Variants in FCHO1 observed in about 807,000 individuals in gnomAD.
FCHO1 encodes the protein FCH and mu domain containing endocytic adaptor 1, also known as F-BAR domain only protein 1.
Under a neutral mutation model 114.4 loss-of-function variants are expected in FCHO1, and 45 were observed. The ratio of observed to expected loss-of-function variants is 0.39; its 90% CI spans 0.31 to 0.50. The LOEUF is 0.50. Among genes scored for constraint, FCHO1 ranks in the 20% least tolerant of loss-of-function variants. The probability of loss-of-function intolerance (pLI) is 0.77; values close to 1 mark genes in which losing one functional copy is unlikely to be tolerated. For missense variants in FCHO1, 1,042 were observed against 1,209.6 expected (o/e 0.86, Z 2.06); for synonymous variants, 480 against 488.9 (o/e 0.98, Z 0.24).
intron 27 of FCHO1, 26 bp from the exon 28 acceptor site, chr19:17,787,656 G>A (rs373571604): frequency 6.5e-7 from 1 of 1,537,988 alleles, no homozygotes; most frequent in Non-Finnish European, 8.8e-7. Context: ...TGGTGCCAGG[G>A]CGCAGCTGAC....
In FCHO1 at chr19:17,778,786, C is replaced by T. The variant is rs1218566308; in HGVS notation, c.1529C>T (p.Pro510Leu). Residue 510 changes from proline (P) to leucine (L), a missense_variant, in exon 20 of 29, where the codon CCA becomes CTA. Physicochemically the swap from Pro to Leu is moderately conservative, Grantham distance 98. Around this residue, in one of 3 missense-constraint regions of FCHO1, gnomAD observed 455 missense variants for 455.4 expected, o/e 1.00. Coordinates refer to ENST00000596536, the MANE Select transcript of FCHO1 (RefSeq NM_015122.3). ...QSPPSCRAPP[P>L]EARGIRAPPL... ...CCGCCCAGCTGTAGGGCGCCACCCC[C>T]AGAGGCCAGGGGTATCCGGGCACCG... 2.6e-6 allele frequency: 4 copies of T among 1,539,758 alleles called. No individual in the cohort carries two copies. The highest frequency in any genetic ancestry group is 3.5e-6 in the Non-Finnish European group (4 of 1,148,584).
chr19:17,779,410 G>A (rs754738021), intron 20 of FCHO1, among the ~76,000 whole-genome samples: 26 of 152,000 alleles, frequency 1.7e-4, no homozygotes, highest in Non-Finnish European at 2.9e-4. Flanking sequence ...GGCAGCTTCG[G>A]GAGTGAGGGC....
In FCHO1 at chr19:17,754,759, G is replaced by T. The variant is rs146409431; in HGVS notation, c.-48+78G>T. 221 of 197,026 alleles carry T rather than the reference G, an allele frequency of 1.1e-3. 5 individuals are homozygous for T. In the East Asian group the frequency reaches 0.031, roughly 28 times the overall value. The allele number at this position is 197,026 out of a possible 1,614,324, so 12.2% of individuals were successfully genotyped here. ...AGTGGATCAGAGCTTTCCTGTCAAG[G>T]TTAGGGGTCATCCAGCACTGCTCCT... On this transcript the variant is annotated intron_variant, in intron 3 of 28. Transcript: ENST00000596536.
intron 4 of FCHO1, among the ~76,000 whole-genome samples, chr19:17,756,068 C>G (rs112833754): frequency 6.6e-6 from 1 of 152,194 alleles, no homozygotes; most frequent in South Asian, 2.1e-4. Context: ...TCCCCAGTTG[C>G]AGGCCCTGAG....
chr19:17,756,234 G>A (rs1018143368), intron 4 of FCHO1, among the ~76,000 whole-genome samples: 3 of 152,088 alleles, frequency 2.0e-5, no homozygotes, highest in African/African-American at 7.2e-5. Flanking sequence ...TGTGACCTCC[G>A]CCCTCTCTCC....
chr19:17,779,990 T>G (rs2093208559), intron 20 of FCHO1, among the ~76,000 whole-genome samples: 1 of 151,050 alleles, frequency 6.6e-6, no homozygotes, highest in African/African-American at 2.4e-5. Flanking sequence ...GGGGGCTGTC[T>G]GAGGAGAATG....
At position 17,759,226 on chromosome 19, in the gene FCHO1, C is replaced by CTTTTTTTTTT. The variant is rs1473282318; in HGVS notation, c.28-3531_28-3522dup. Among the ~76,000 whole-genome samples, 20 of 105,918 alleles carry CTTTTTTTTTT rather than the reference C, an allele frequency of 1.9e-4. 7 individuals carry two copies. Among genetic ancestry groups the CTTTTTTTTTT allele is most frequent in the Admixed American group, 5.0e-4 (4 of 7,972 alleles). The allele number at this position is 105,918 out of a possible 152,430, so 69.5% of individuals were successfully genotyped here. ...GTTCCCTCAGACCCCAGCTGATTACCTTTTTTTTTTTTTTGAGACAGAGTC... is the reference window on the plus strand; with the variant it reads ...GTTCCCTCAGACCCCAGCTGATTACCTTTTTTTTTTTTTTTTTTTTTTTTGAGACAGAGTC... On this transcript the variant is annotated intron_variant, in intron 4 of 28. Coordinates refer to ENST00000596536, the MANE Select transcript of FCHO1 (RefSeq NM_015122.3).
At chr19:17,781,180 C>T (rs1568366986) in intron 20 of FCHO1, 51 bp from the exon 21 acceptor site, 1 of 1,393,854 alleles carries the variant, frequency 7.2e-7, no homozygotes, top group East Asian at 2.3e-5. Context: ...TGGGGAGGCC[C>T]CAGAGGCCCC....
rs756664863 is a variant in FCHO1 at position 17,776,382 on chromosome 19, A to C, written c.1207+111A>C. The stretch of plus-strand genomic sequence containing the variant: ...AACTTTGGGCAGGCTGCTTAACCAC[A>C]CTGACCTTCAGTCTCCTTTTCTGTA... On this transcript the variant is annotated intron_variant, in intron 17 of 28. Transcript: ENST00000596536. This position sits in a 1 kb window ranked among gnomAD's most constrained non-coding sequence, Gnocchi z 4.4. 5.9e-6 allele frequency: 8 copies of C among 1,354,922 alleles called. No individual in the cohort carries two copies. The highest frequency in any genetic ancestry group is 8.5e-6 in the Non-Finnish European group (8 of 944,842). The allele number at this position is 1,354,922 out of a possible 1,614,324, so 83.9% of individuals were successfully genotyped here. A position where few individuals can be genotyped will look rare whatever the true frequency, so the allele number is the denominator to read the frequency against.
chr19:17,771,110 G>A (rs1009911859), intron 9 of FCHO1, among the ~76,000 whole-genome samples: 19 of 152,140 alleles, frequency 1.2e-4, no homozygotes, highest in Middle Eastern at 3.4e-3. Flanking sequence ...AAAATTAGCC[G>A]GGCGTAGTGG....
At chr19:17,754,233 G>C (rs151231401) in intron 1 of FCHO1, 84 bp from the exon 2 acceptor site, 5 of 152,388 alleles carry the variant, frequency 3.3e-5, no homozygotes, top group East Asian at 1.9e-4. Flanking sequence ...GTCCCCTGCC[G>C]GGCGGCCTGA....
In FCHO1 at chr19:17,751,997, G is replaced by A. The variant is rs1176022357; in HGVS notation, c.-183+420G>A. On this transcript the variant is annotated intron_variant, in intron 1 of 28. Coordinates refer to ENST00000596536, the MANE Select transcript of FCHO1 (RefSeq NM_015122.3). The surrounding 1 kb of genome is among the most constrained non-coding windows in gnomAD (Gnocchi z 4.4). ...CGTGTGAATAGTTGGGTACAGGGTC[G>A]CACACATACTGGTGCTCCATGTGTA... Among the ~76,000 whole-genome samples the A allele has an allele frequency of 1.3e-5, 2 of 152,218 alleles. No individual in the cohort carries two copies. The highest frequency in any genetic ancestry group is 1.5e-5 in the Non-Finnish European group (1 of 68,032).
At chr19:17,774,325 G>A in intron 12 of FCHO1, 42 bp downstream of exon 12, 1 of 1,613,192 alleles carries the variant, frequency 6.2e-7, no homozygotes, top group Non-Finnish European at 8.5e-7. Context: ...GGACCATGGG[G>A]GTGAGGGAGG....
rs371165861 is a variant in FCHO1 at position 17,779,963 on chromosome 19, C to T, written c.1627+1079C>T. 7.8e-4 allele frequency among the ~76,000 whole-genome samples: 119 copies of T among 151,602 alleles called. 1 individual carries two copies. Among genetic ancestry groups the T allele is most frequent in the African/African-American group, 2.3e-3 (97 of 41,310 alleles). On this transcript the variant is annotated intron_variant, in intron 20 of 28. Coordinates refer to ENST00000596536, the MANE Select transcript of FCHO1 (RefSeq NM_015122.3). ...AGGACAGCAGGAGATGGGGGGAGAGCGGCGGGATGGGCTCCTGGGGGCTGT... is the reference window on the plus strand; with the variant it reads ...AGGACAGCAGGAGATGGGGGGAGAGTGGCGGGATGGGCTCCTGGGGGCTGT...
chr19:17,752,165 C>T (rs1300988729), intron 1 of FCHO1: 1 of 152,168 alleles, frequency 6.6e-6, no homozygotes, highest in African/African-American at 2.4e-5. Context: ...CAGCCATCAG[C>T]CCCATGTAGC....
chr19:17,765,443 G>A (rs1225464224), intron 6 of FCHO1, among the ~76,000 whole-genome samples: 1 of 152,040 alleles, frequency 6.6e-6, no homozygotes, highest in East Asian at 1.9e-4. Context: ...AAGCTGAGGT[G>A]GGAGGATCAC....
At chr19:17,766,574 G>A (rs1431150259) in intron 6 of FCHO1, 95 bp from the exon 7 acceptor site, 5 of 1,483,514 alleles carry the variant, frequency 3.4e-6, no homozygotes, top group African/African-American at 2.8e-5. Context: ...TGTTTAGCAG[G>A]GCTCAGCGTG....
At chr19:17,751,122 G>A (rs111906872), upstream of FCHO1, among the ~76,000 whole-genome samples, 60 of 152,286 alleles carry the variant, frequency 3.9e-4, no homozygotes, top group African/African-American at 1.4e-3. This position sits in a 1 kb window ranked among gnomAD's most constrained non-coding sequence, Gnocchi z 4.4. Context: ...TTACAGGCGT[G>A]AGCCACCGCG....
At chr19:17,777,061 G>T (rs544816945) in intron 18 of FCHO1, among the ~76,000 whole-genome samples, 1 of 151,882 alleles carries the variant, frequency 6.6e-6, no homozygotes, top group East Asian at 2.0e-4. Flanking sequence ...GCTTGCCAAA[G>T]TGCTGGGATT....
Sources: gnomAD v4.1 joint callset for allele counts (sites outside exome capture counted in the v4.1 genomes callset) on GRCh38, gnomAD v4.1.1 for gene constraint, gnomAD v4.1.1 regional missense constraint, Gnocchi (gnomAD v3.1) non-coding constraint, MANE v1.5 for transcripts, NCBI Gene and HGNC (gene_info 2026-07-23, HGNC 2026-07-21) for gene names.